Variants in C3orf33 observed in about 807,000 individuals in gnomAD.
C3orf33 encodes mitochondrial inner membrane subdomain organizer 1, also known as AP-1 activity suppressor.
C3orf33 carries 23 observed loss-of-function variants against 28.7 expected under a neutral mutation model. That is an observed-to-expected ratio of 0.80 (90% CI 0.58 to 1.13). The LOEUF is 1.13. Ranked by LOEUF, C3orf33 falls within the 50% of genes most tolerant of loss-of-function variation. C3orf33 has a pLI of 0.00. For missense variants in C3orf33, 327 were observed against 353.4 expected, an observed-to-expected ratio of 0.93 and a Z score of 0.60; for synonymous variants, 119 against 120.5, an observed-to-expected ratio of 0.99 and a Z score of 0.08.
chr3:155,783,370 G>C (rs1479414770), intron 2 of C3orf33, among the ~76,000 whole-genome samples: 1 of 151,872 alleles, frequency 6.6e-6, no homozygotes, highest in Non-Finnish European at 1.5e-5. Flanking sequence ...GGCCAGGCTG[G>C]TCTTGAACTC....
At chr3:155,793,568 G>A (rs1444112310) in intron 2 of C3orf33, among the ~76,000 whole-genome samples, 1 of 151,878 alleles carries the variant, frequency 6.6e-6, no homozygotes, top group Non-Finnish European at 1.5e-5. Flanking sequence ...TCAGCACTTT[G>A]GGAGGCCGAG....
At chr3:155,773,940 T>G (rs1370144179) in intron 3 of C3orf33, among the ~76,000 whole-genome samples, 1 of 152,224 alleles carries the variant, frequency 6.6e-6, no homozygotes, top group Non-Finnish European at 1.5e-5. Context: ...AAGTTCTCTT[T>G]GGTTTATTAA....
chr3:155,791,776 G>A (rs1281700925), intron 2 of C3orf33, among the ~76,000 whole-genome samples: 1 of 151,836 alleles, frequency 6.6e-6, no homozygotes, highest in Non-Finnish European at 1.5e-5. Context: ...GGAAAGGACT[G>A]TCTTGTGGCT....
At chr3:155,777,650 T>G (rs973138913) in intron 2 of C3orf33, among the ~76,000 whole-genome samples, 3 of 152,162 alleles carry the variant, frequency 2.0e-5, no homozygotes, top group Admixed American at 6.6e-5. Context: ...TCACCCAGGC[T>G]GATCTCAAAT....
At chr3:155,780,477 ATTATGT>A (rs1157897015) in intron 2 of C3orf33, among the ~76,000 whole-genome samples, 10 of 152,264 alleles carry the variant, frequency 6.6e-5, no homozygotes, top group Admixed American at 1.3e-4. Flanking sequence ...ATTAAATGAA[ATTATGT>A]TTATAAAGTG....
In C3orf33 at chr3:155,803,421, C is replaced by T. The variant is rs139051689; in HGVS notation, c.115-830G>A. 5.7e-3 allele frequency among the ~76,000 whole-genome samples: 858 copies of T among 149,970 alleles called. 10 individuals are homozygous for T. Among genetic ancestry groups the T allele is most frequent in the African/African-American group, 0.02 (821 of 40,744 alleles). ...TCTACTAAAAATACAAAAAATTAGC[C>T]GGGCGTGGTGGTGGGCGCCTGTAGT... is the stretch of plus-strand genomic sequence containing the variant. On this transcript the variant is annotated intron_variant, in intron 1 of 4. Transcript: ENST00000340171.
intron 4 of C3orf33, among the ~76,000 whole-genome samples, chr3:155,766,034 T>G (rs896409929): frequency 2.0e-5 from 3 of 152,364 alleles, no homozygotes; most frequent in African/African-American, 7.2e-5. Flanking sequence ...TCTAATCATC[T>G]TATTTTATTT....
intron 2 of C3orf33, among the ~76,000 whole-genome samples, chr3:155,792,397 A>G (rs1751341872): frequency 6.6e-6 from 1 of 152,168 alleles, no homozygotes; most frequent in African/African-American, 2.4e-5. Flanking sequence ...GAAGACTATA[A>G]TAAATACCGA....
intron 3 of C3orf33, among the ~76,000 whole-genome samples, chr3:155,771,884 GGAGTACTCCAA>G (rs1382467102): frequency 6.6e-6 from 1 of 152,166 alleles, no homozygotes; most frequent in Non-Finnish European, 1.5e-5. Context: ...AGGCTCCAGT[GGAGTACTCCAA>G]GAGTACTCTA....
intron 2 of C3orf33, among the ~76,000 whole-genome samples, chr3:155,792,075 G>A (rs752920957): frequency 2.6e-5 from 4 of 152,016 alleles, no homozygotes; most frequent in Non-Finnish European, 5.9e-5. Context: ...TCCCAGTGTT[G>A]GCCACAGTGG....
rs189952090 is a variant in C3orf33, at chr3:155,776,192, T to C, written c.175-344A>G. On this transcript the variant is annotated intron_variant, in intron 2 of 4. Coordinates refer to ENST00000340171, the MANE Select transcript of C3orf33 (RefSeq NM_001308229.2). The stretch of plus-strand genomic sequence containing the variant: ...AAATCTGGTTAAACAGTCTCTAGCT[T>C]GTTCCACATAAGTACAATCTATTCA... Among the ~76,000 whole-genome samples, 233 of 152,318 alleles carry C rather than the reference T, an allele frequency of 1.5e-3. 1 individual carries two copies. The highest frequency in any genetic ancestry group is 2.6e-3 in the Non-Finnish European group (177 of 68,018).
chr3:155,802,451 A>T, intron 2 of C3orf33, 81 bp downstream of exon 2: 1 of 994,734 alleles, frequency 1.0e-6, no homozygotes, highest in Non-Finnish European at 1.6e-6. Flanking sequence ...AATATGATAC[A>T]CTGTTTGAGA....
chr3:155,772,655 A>G (rs1230448484), intron 3 of C3orf33, among the ~76,000 whole-genome samples: 1 of 151,714 alleles, frequency 6.6e-6, no homozygotes, highest in African/African-American at 2.4e-5. Flanking sequence ...TGACTACCGT[A>G]GGCATGTGCC....
chr3:155,801,308 C>T (rs1751641159), intron 2 of C3orf33, among the ~76,000 whole-genome samples: 1 of 80,040 alleles, frequency 1.2e-5, no homozygotes, highest in African/African-American at 4.6e-5. Context: ...GAGACTCTGT[C>T]CAAAAAAAAA....
intron 2 of C3orf33, among the ~76,000 whole-genome samples, chr3:155,800,863 C>G (rs953397875): frequency 3.3e-5 from 5 of 151,910 alleles, no homozygotes; most frequent in Admixed American, 1.3e-4. Context: ...AAATGCAAAT[C>G]AAAACCACAA....
At chr3:155,770,019 C>G (rs1577412616) in intron 3 of C3orf33, among the ~76,000 whole-genome samples, 1 of 152,122 alleles carries the variant, frequency 6.6e-6, no homozygotes, top group East Asian at 1.9e-4. Flanking sequence ...AATCAGCGTG[C>G]ACTCACCCAT....
chr3:155,791,807 G>A (rs528717454), intron 2 of C3orf33, among the ~76,000 whole-genome samples: 1 of 152,054 alleles, frequency 6.6e-6, no homozygotes, highest in East Asian at 1.9e-4. Context: ...CTCAGCCACA[G>A]TAGCATATAG....
chr3:155,767,896 T>G (rs771778368), intron 3 of C3orf33, among the ~76,000 whole-genome samples: 1 of 152,178 alleles, frequency 6.6e-6, no homozygotes, highest in Non-Finnish European at 1.5e-5. Flanking sequence ...TTTTTTCTTT[T>G]TGAAACAGGG....
intron 3 of C3orf33, among the ~76,000 whole-genome samples, chr3:155,774,526 G>A (rs1168797335): frequency 1.3e-5 from 2 of 152,116 alleles, no homozygotes; most frequent in African/African-American, 4.8e-5. Context: ...AAGGAGAAAT[G>A]GGAATTGCAG....
Sources: gnomAD v4.1 joint callset for allele counts (sites outside exome capture counted in the v4.1 genomes callset) on GRCh38, gnomAD v4.1.1 for gene constraint, MANE v1.5 for transcripts, NCBI Gene and HGNC (gene_info 2026-07-23, HGNC 2026-07-21) for gene names.